BTBD7: variants seen among roughly 807,000 people sequenced by gnomAD.
The protein encoded by BTBD7 is BTB/POZ domain-containing protein 7.
In BTBD7, 38 loss-of-function variants were observed where a neutral mutation model predicts 99.9. The observed-to-expected ratio is 0.38, with a 90% CI of 0.29 to 0.50. The LOEUF is 0.50. BTBD7 is among the 20% of genes least tolerant of loss of function. The probability of loss-of-function intolerance (pLI) is 0.93; values close to 1 mark genes in which losing one functional copy is unlikely to be tolerated. For synonymous variants in BTBD7, 520 were observed against 511.4 expected, an observed-to-expected ratio of 1.02 and a Z score of -0.23; for missense variants, 1,170 against 1,394.6, an observed-to-expected ratio of 0.84 and a Z score of 2.57.
intron 1 of BTBD7, among the ~76,000 whole-genome samples, chr14:93,299,482 G>C (rs1208378928): frequency 6.6e-6 from 1 of 152,152 alleles, no homozygotes; most frequent in East Asian, 1.9e-4. Context: ...AGAGGGGAGA[G>C]GAGAGGAGAA....
At chr14:93,282,571 T>A (rs1182545548) in intron 3 of BTBD7, among the ~76,000 whole-genome samples, 1 of 152,176 alleles carries the variant, frequency 6.6e-6, no homozygotes, top group African/African-American at 2.4e-5. Flanking sequence ...GACTGCGTGA[T>A]CTGCCTGCCT....
At chr14:93,323,219 G>A (rs1455317523) in intron 1 of BTBD7, among the ~76,000 whole-genome samples, 1 of 152,062 alleles carries the variant, frequency 6.6e-6, no homozygotes, top group East Asian at 1.9e-4. Context: ...ACCAGCCTGG[G>A]GAACATAGCA....
chr14:93,258,735 C>T (rs2052457633), intron 5 of BTBD7, among the ~76,000 whole-genome samples: 1 of 152,150 alleles, frequency 6.6e-6, no homozygotes, highest in Non-Finnish European at 1.5e-5. Flanking sequence ...TAGGCACCCG[C>T]CACCACACGC....
intron 1 of BTBD7, among the ~76,000 whole-genome samples, chr14:93,301,221 C>T (rs1458771076): frequency 6.6e-6 from 1 of 150,750 alleles, no homozygotes; most frequent in Non-Finnish European, 1.5e-5. Context: ...GACAGAATTT[C>T]ATTCTTGTTG....
rs771981754 is a variant in BTBD7, at chr14:93,288,727, C to A, written c.1162+5131G>T. 4.4e-6 allele frequency: 7 copies of A among 1,605,930 alleles called. No individual in the cohort carries two copies. In the Admixed American group the frequency reaches 8.6e-5, roughly 20 times the overall value. ...TCTCCTCTGTAAAACAAATGGAAGGCAAGCTGGCTTTTTCATTTTATAACC... is the reference window on the plus strand; with the variant it reads ...TCTCCTCTGTAAAACAAATGGAAGGAAAGCTGGCTTTTTCATTTTATAACC... On this transcript the variant is annotated intron_variant, in intron 3 of 10. Transcript: ENST00000334746.
intron 1 of BTBD7, among the ~76,000 whole-genome samples, chr14:93,309,865 G>T (rs954092946): frequency 1.4e-4 from 21 of 152,028 alleles, no homozygotes; most frequent in African/African-American, 5.1e-4. Flanking sequence ...TGTAATTTTT[G>T]TAATAAAAAT....
At chr14:93,264,618 A>G (rs2052522416) in intron 3 of BTBD7, among the ~76,000 whole-genome samples, 1 of 152,188 alleles carries the variant, frequency 6.6e-6, no homozygotes, top group African/African-American at 2.4e-5. Context: ...ACCTAAGGAG[A>G]CTCAACTCTC....
At chr14:93,324,964 G>C (rs1254825756) in intron 1 of BTBD7, among the ~76,000 whole-genome samples, 1 of 152,210 alleles carries the variant, frequency 6.6e-6, no homozygotes, top group Non-Finnish European at 1.5e-5. Flanking sequence ...ACACAAGACA[G>C]AGGCACAGGG....
At position 93,253,741 on chromosome 14, in the gene BTBD7, G is replaced by C. The variant is rs1281781403; in HGVS notation, c.1658C>G (p.Thr553Arg). Residue 553 changes from threonine to arginine, a missense_variant, in exon 7 of 11, where the codon ACA becomes AGA. Transcript: ENST00000334746. ...STPPSDMLPT[T>R]EGGKSNAWLR... Reference sequence around the variant, plus strand: ...CCAGGCATTTGACTTCCCACCTTCTGTTGTAGGAAGCATATCTGATGGAGG... The same window carrying C: ...CCAGGCATTTGACTTCCCACCTTCTCTTGTAGGAAGCATATCTGATGGAGG... 11 of 1,612,450 alleles carry C rather than the reference G, an allele frequency of 6.8e-6. No homozygotes were observed. The highest frequency in any genetic ancestry group is 9.3e-6 in the Non-Finnish European group (11 of 1,179,004).
chr14:93,314,369 A>T (rs970114799), intron 1 of BTBD7, among the ~76,000 whole-genome samples: 1 of 152,194 alleles, frequency 6.6e-6, no homozygotes, highest in Non-Finnish European at 1.5e-5. Flanking sequence ...CTAAATCCTA[A>T]AATTAAAAAC....
chr14:93,325,191 G>T (rs1341595478), intron 1 of BTBD7, among the ~76,000 whole-genome samples: 1 of 138,460 alleles, frequency 7.2e-6, no homozygotes, highest in African/African-American at 2.8e-5. Context: ...TTGGCTCACT[G>T]CAACCTCCGC....
At chr14:93,266,362 G>A (rs964793250) in intron 3 of BTBD7, among the ~76,000 whole-genome samples, 2 of 152,052 alleles carry the variant, frequency 1.3e-5, no homozygotes, top group African/African-American at 4.8e-5. Flanking sequence ...GTCTCAGGAG[G>A]GCAAGGGAAT....
intron 3 of BTBD7, among the ~76,000 whole-genome samples, chr14:93,289,231 G>C (rs1421422168): frequency 6.6e-6 from 1 of 152,174 alleles, no homozygotes; most frequent in Admixed American, 6.5e-5. Context: ...CAGGAATAGG[G>C]AATTAGTAGG....
chr14:93,311,045 T>C (rs1015416322), intron 1 of BTBD7, among the ~76,000 whole-genome samples: 2 of 152,168 alleles, frequency 1.3e-5, no homozygotes, highest in African/African-American at 4.8e-5. Context: ...ACAGAATAAA[T>C]GAGTAATTTT....
intron 9 of BTBD7, among the ~76,000 whole-genome samples, chr14:93,247,238 G>A (rs1266463558): frequency 6.6e-6 from 1 of 152,152 alleles, no homozygotes; most frequent in Non-Finnish European, 1.5e-5. Flanking sequence ...ATATTGCCCA[G>A]GCTAGTCTTA....
rs987046202 is a variant in BTBD7 at position 93,294,131 on chromosome 14, G to A, written c.889C>T (p.Arg297Ter). The A allele has an allele frequency of 3.1e-6, 5 of 1,613,958 alleles. No individual in the cohort carries two copies. The highest frequency in any genetic ancestry group is 1.3e-5 in the African/African-American group (1 of 74,896). ...CGGTCTGTGATTTCTTCACCAGTTCGTATCCTCCTTTGTAATAAATTTCGA... is the reference window on the plus strand; with the variant it reads ...CGGTCTGTGATTTCTTCACCAGTTCATATCCTCCTTTGTAATAAATTTCGA... ...FFRNLLQRRI[R>*]TGEEITDRTL... The change falls in exon 3 of 11, where the codon CGA becomes TGA. Residue 297 changes from arginine (R) to a stop codon, truncating the protein, a stop_gained. Transcript: ENST00000334746. LOFTEE classifies it high-confidence loss of function.
intron 1 of BTBD7, among the ~76,000 whole-genome samples, chr14:93,299,808 A>T (rs1453837659): frequency 1.3e-5 from 2 of 152,168 alleles, no homozygotes; most frequent in African/African-American, 4.8e-5. Flanking sequence ...AGCATTTTCC[A>T]AAGAGCTTTC....
At chr14:93,279,501 G>A (rs2052693725) in intron 3 of BTBD7, among the ~76,000 whole-genome samples, 1 of 152,112 alleles carries the variant, frequency 6.6e-6, no homozygotes, top group South Asian at 2.1e-4. Context: ...TTCTATTAGG[G>A]CACTCACACT....
At chr14:93,253,982 G>A (rs1015499399) in intron 6 of BTBD7, among the ~76,000 whole-genome samples, 192 bp from the exon 7 acceptor site, 3 of 150,504 alleles carry the variant, frequency 2.0e-5, no homozygotes, top group Middle Eastern at 3.4e-3. Flanking sequence ...CTGTCGCCCC[G>A]GCTGGAGTGC....
Sources: gnomAD v4.1 joint callset for allele counts (sites outside exome capture counted in the v4.1 genomes callset) on GRCh38, gnomAD v4.1.1 for gene constraint, MANE v1.5 for transcripts, NCBI Gene and HGNC (gene_info 2026-07-23, HGNC 2026-07-21) for gene names.